The following ZNF454 variants were observed in gnomAD, a reference collection of about 807,000 sequenced individuals.
ZNF454 encodes zinc finger protein 454.
Under a neutral mutation model 48.2 loss-of-function variants are expected in ZNF454, and 30 were observed. That is an observed-to-expected ratio of 0.62 (90% CI 0.47 to 0.84). The LOEUF (loss-of-function observed/expected upper bound fraction) is 0.84, where lower values mean the gene tolerates loss of function less well. ZNF454 is among the 40% of genes least tolerant of loss of function. The pLI is 0.00. For missense variants in ZNF454, 510 were observed against 623.1 expected, an observed-to-expected ratio of 0.82 and a Z score of 1.93; for synonymous variants, 204 against 211.4, an observed-to-expected ratio of 0.97 and a Z score of 0.30.
chr5:178,986,373 G>A, the ZNF454 span: 2 of 1,614,082 alleles, frequency 1.2e-6, no homozygotes, highest in Non-Finnish European at 1.7e-6. Flanking sequence ...TGCCGGTGAG[G>A]AGGACGTAGC....
the ZNF454 span, among the ~76,000 whole-genome samples, chr5:178,975,247 C>T: frequency 6.6e-6 from 1 of 152,140 alleles, no homozygotes; most frequent in Non-Finnish European, 1.5e-5. Context: ...CGCCACTGCA[C>T]TCCAGCCTGG....
At chr5:178,980,426 G>A in the ZNF454 span, 1 of 154,370 alleles carries the variant, frequency 6.5e-6, no homozygotes. The surrounding 1 kb of genome is among the most constrained non-coding windows in gnomAD (Gnocchi z 4.3). Flanking sequence ...TATGAGGAAT[G>A]AAGGGTTTCC....
intron 2 of ZNF454, among the ~76,000 whole-genome samples, chr5:178,945,249 GGGGTAT>G (rs1233771778): frequency 5.9e-5 from 9 of 151,270 alleles, no homozygotes; most frequent in Middle Eastern, 3.4e-3. Flanking sequence ...TTTGTATGTT[GGGGTAT>G]GGGTATGGGT....
downstream of ZNF454, among the ~76,000 whole-genome samples, chr5:178,971,344 G>A (rs190971986): frequency 9.8e-4 from 149 of 152,236 alleles, no homozygotes; most frequent in African/African-American, 3.2e-3. Flanking sequence ...CAGGGTGGGT[G>A]AATTGTTTAG....
the ZNF454 span, among the ~76,000 whole-genome samples, chr5:178,985,468 C>T: frequency 2.0e-4 from 30 of 151,464 alleles, no homozygotes; most frequent in Non-Finnish European, 3.7e-4. Flanking sequence ...CTTTGGGAGG[C>T]CGAGGTGGGC....
chr5:178,976,963 A>G, the ZNF454 span, among the ~76,000 whole-genome samples: 1 of 152,132 alleles, frequency 6.6e-6, no homozygotes, highest in Non-Finnish European at 1.5e-5. Context: ...CCCCTAGACT[A>G]ATGTGCCCTC....
the ZNF454 span, chr5:178,989,286 C>A: frequency 6.2e-7 from 1 of 1,604,228 alleles, no homozygotes; most frequent in Non-Finnish European, 8.5e-7. Context: ...CGGGTGGAAT[C>A]GTCTGACTGG....
chr5:178,982,867 CAGGCAGGAAACAGG>C, the ZNF454 span: 1 of 1,392,020 alleles, frequency 7.2e-7, no homozygotes, highest in Non-Finnish European at 1.0e-6. Context: ...ACCAGCCTGA[CAGGCAGGAAACAGG>C]CAGCGAGACC....
intron 4 of ZNF454, among the ~76,000 whole-genome samples, chr5:178,947,794 C>A (rs561356409): frequency 3.3e-5 from 5 of 152,122 alleles, no homozygotes; most frequent in Non-Finnish European, 7.3e-5. Flanking sequence ...TTTTATAAAC[C>A]TTTTGCTACA....
the ZNF454 span, chr5:178,987,532 T>C: frequency 2.3e-6 from 1 of 436,312 alleles, no homozygotes; most frequent in East Asian, 7.1e-5. Flanking sequence ...CTGGAGGACA[T>C]GATGCTCGGT....
the ZNF454 span, chr5:178,985,296 C>T: frequency 4.4e-6 from 2 of 456,022 alleles, no homozygotes; most frequent in South Asian, 3.1e-5. Flanking sequence ...TGGAGGCCCA[C>T]ACTCCCCACC....
chr5:178,989,220 A>AGG, the ZNF454 span: 43 of 817,062 alleles, frequency 5.3e-5, no homozygotes, highest in Middle Eastern at 3.7e-4. Context: ...CACCCTCACC[A>AGG]CCCTCCCCAC....
the ZNF454 span, chr5:178,987,101 G>A: frequency 9.5e-7 from 1 of 1,057,458 alleles, no homozygotes; most frequent in Non-Finnish European, 1.4e-6. Flanking sequence ...CTGCTCATAA[G>A]GGACGTGCAA....
chr5:178,945,977 G>A (rs370058139), intron 2 of ZNF454, among the ~76,000 whole-genome samples: 5 of 152,222 alleles, frequency 3.3e-5, no homozygotes, highest in Admixed American at 2.0e-4. Flanking sequence ...TGCGCTGAGC[G>A]AGCGGTGTTG....
intron 4 of ZNF454, among the ~76,000 whole-genome samples, chr5:178,953,546 G>A (rs542976219): frequency 5.3e-5 from 8 of 151,974 alleles, no homozygotes; most frequent in South Asian, 4.2e-4. Context: ...ACTGTGTCTC[G>A]TGTCTTCTTT....
chr5:178,980,012 A>G, the ZNF454 span: 2 of 154,358 alleles, frequency 1.3e-5, no homozygotes, highest in African/African-American at 4.8e-5. The surrounding 1 kb of genome is among the most constrained non-coding windows in gnomAD (Gnocchi z 4.3). Flanking sequence ...GAGAAGCCCT[A>G]GGAACACAAC....
chr5:178,987,497 G>A, the ZNF454 span: 2 of 454,916 alleles, frequency 4.4e-6, no homozygotes, highest in Admixed American at 2.4e-5. Context: ...AGGCAGTTCT[G>A]ACCCATGCTA....
At chr5:178,978,218 T>C in the ZNF454 span, 1 of 152,268 alleles carries the variant, frequency 6.6e-6, no homozygotes, top group Non-Finnish European at 1.5e-5. Context: ...AGTTTCATTC[T>C]ATAAAATGAT....
At chr5:178,989,303 G>A in the ZNF454 span, 4 of 1,610,514 alleles carry the variant, frequency 2.5e-6, no homozygotes, top group African/African-American at 2.7e-5. Context: ...CTGGGTACCT[G>A]AGCTGGTCAG....
Sources: allele counts gnomAD v4.1 joint callset (sites outside exome capture counted in the v4.1 genomes callset), GRCh38; gene constraint gnomAD v4.1.1; non-coding constraint Gnocchi (gnomAD v3.1); transcripts MANE v1.5; gene names NCBI Gene and HGNC (gene_info 2026-07-23, HGNC 2026-07-21).